The following TMEM266 variants were observed in gnomAD, a reference collection of about 807,000 sequenced individuals.
TMEM266 encodes transmembrane protein 266.
A neutral mutation model predicts 50.5 loss-of-function variants in TMEM266; 33 were observed. The observed-to-expected ratio is 0.65, with a 90% CI of 0.50 to 0.87. TMEM266 has a LOEUF of 0.87. Among genes scored for constraint, TMEM266 ranks in the 40% least tolerant of loss-of-function variants. TMEM266 has a pLI of 0.00. For synonymous variants in TMEM266, 310 were observed against 292.3 expected (o/e 1.06, Z -0.62); for missense variants, 655 against 695.1 (o/e 0.94, Z 0.65).
At chr15:76,124,373 T>C (rs1463731961) in intron 1 of TMEM266, among the ~76,000 whole-genome samples, 1 of 152,072 alleles carries the variant, frequency 6.6e-6, no homozygotes, top group Non-Finnish European at 1.5e-5. Flanking sequence ...CTAGAAAACA[T>C]TGTTGAAAGA....
Position 76,175,704 on chromosome 15 carries a change from G to A in TMEM266, c.768+30G>A, listed in dbSNP as rs777395226. ...TGCACTGCCACTTTCGGCTCTGTCC[G>A]TGGTCTTGCTGGGGACACTGGTAGT... On this transcript the variant is annotated intron_variant, in intron 8 of 10. Transcript: ENST00000388942. 1.9e-5 allele frequency: 30 copies of A among 1,575,200 alleles called. No individual in the cohort carries two copies. The Admixed American group carries it at 3.4e-4, about 18-fold the overall frequency.
At chr15:76,129,812 T>G (rs2935980) in intron 1 of TMEM266, among the ~76,000 whole-genome samples, 16,388 of 152,090 alleles carry the variant, frequency 0.11, 2,504 homozygotes, top group African/African-American at 0.34. Context: ...TAATGAGACC[T>G]AAGAGTCATA....
chr15:76,169,905 C>G (rs759224230), intron 6 of TMEM266, 33 bp downstream of exon 6: 8 of 1,599,542 alleles, frequency 5.0e-6, no homozygotes, highest in Non-Finnish European at 6.9e-6. Flanking sequence ...AAAGCCCCCA[C>G]TCTGCCATCC....
At chr15:76,186,369 G>A (rs986980591) in intron 8 of TMEM266, among the ~76,000 whole-genome samples, 3 of 152,182 alleles carry the variant, frequency 2.0e-5, no homozygotes, top group African/African-American at 4.8e-5. Flanking sequence ...TGAGGGTCCC[G>A]CTAGCACCTC....
chr15:76,092,739 G>A (rs2036865614), intron 1 of TMEM266, among the ~76,000 whole-genome samples: 1 of 148,600 alleles, frequency 6.7e-6, no homozygotes, highest in South Asian at 2.1e-4. Flanking sequence ...TCTATACTAT[G>A]TTCTAGTCAG....
intron 2 of TMEM266, 41 bp from the exon 3 acceptor site, chr15:76,137,666 T>G: frequency 1.3e-6 from 2 of 1,599,506 alleles, no homozygotes; most frequent in African/African-American, 2.7e-5. Context: ...TTTTGGCCCT[T>G]GAAGATAACT....
At chr15:76,175,315 A>G in intron 7 of TMEM266, 1 of 406,908 alleles carries the variant, frequency 2.5e-6, no homozygotes. Context: ...CTGTGCACAC[A>G]GCCCAAAAGT....
chr15:76,125,836 A>C (rs2037413399), intron 1 of TMEM266, among the ~76,000 whole-genome samples: 1 of 146,504 alleles, frequency 6.8e-6, no homozygotes, highest in Non-Finnish European at 1.5e-5. Context: ...TGACAGAATG[A>C]GACTCCATGT....
intron 5 of TMEM266, among the ~76,000 whole-genome samples, chr15:76,166,418 C>T (rs1007098282): frequency 2.0e-4 from 30 of 152,304 alleles, no homozygotes; most frequent in African/African-American, 6.7e-4. Context: ...GAAAGGCTCC[C>T]AGAAGAGTGG....
chr15:76,197,038 G>A (rs1437377865), intron 9 of TMEM266, among the ~76,000 whole-genome samples: 4 of 152,208 alleles, frequency 2.6e-5, no homozygotes, highest in Non-Finnish European at 4.4e-5. Context: ...CGTCCCCCAC[G>A]CTGCTGCAGC....
chr15:76,129,233 G>GA (rs2037467926), intron 1 of TMEM266, among the ~76,000 whole-genome samples: 1 of 152,146 alleles, frequency 6.6e-6, no homozygotes, highest in Non-Finnish European at 1.5e-5. Context: ...GTCTCCTACT[G>GA]AAGTTATGGC....
At chr15:76,201,761 C>A (rs2038752413) in intron 9 of TMEM266, among the ~76,000 whole-genome samples, 1 of 152,214 alleles carries the variant, frequency 6.6e-6, no homozygotes, top group African/African-American at 2.4e-5. Flanking sequence ...CTGGATGGCA[C>A]CTCAGCCCTG....
intron 1 of TMEM266, among the ~76,000 whole-genome samples, chr15:76,120,427 G>T (rs996675952): frequency 2.6e-5 from 4 of 151,960 alleles, no homozygotes; most frequent in African/African-American, 9.7e-5. Flanking sequence ...AATATATAAT[G>T]AACTATTTTT....
chr15:76,180,584 A>ACTCTC (rs1228202423), intron 8 of TMEM266, among the ~76,000 whole-genome samples: 35 of 114,820 alleles, frequency 3.0e-4, no homozygotes, highest in African/African-American at 1.2e-3. Context: ...CTGCACAGTT[A>ACTCTC]CTCTCTGTTT....
chr15:76,175,356 A>T, intron 7 of TMEM266: 1 of 539,850 alleles, frequency 1.9e-6, no homozygotes, highest in Non-Finnish European at 3.3e-6. Flanking sequence ...AAACAGGAAA[A>T]CAGCTACCCT....
At chr15:76,065,459 A>G (rs951045902) in intron 1 of TMEM266, among the ~76,000 whole-genome samples, 2 of 151,884 alleles carry the variant, frequency 1.3e-5, no homozygotes, top group Non-Finnish European at 2.9e-5. Context: ...GTCTGTCGGC[A>G]GCTCCTTCCT....
At chr15:76,075,982 G>A (rs770191300) in intron 1 of TMEM266, among the ~76,000 whole-genome samples, 2 of 147,644 alleles carry the variant, frequency 1.4e-5, no homozygotes, top group Non-Finnish European at 3.0e-5. Flanking sequence ...TCAACCCCCC[G>A]AGTAGCTGGG....
intron 1 of TMEM266, among the ~76,000 whole-genome samples, chr15:76,103,942 T>C (rs2037041976): frequency 1.4e-5 from 2 of 148,006 alleles, no homozygotes; most frequent in African/African-American, 2.5e-5. Flanking sequence ...GGGCAGTGGC[T>C]CAGGCCTGTA....
At chr15:76,157,439 T>G (rs1202063710) in intron 4 of TMEM266, among the ~76,000 whole-genome samples, 1 of 152,208 alleles carries the variant, frequency 6.6e-6, no homozygotes, top group Non-Finnish European at 1.5e-5. Context: ...GTTCTCTTCC[T>G]CTTGGCATTT....
Sources: allele counts gnomAD v4.1 joint callset (sites outside exome capture counted in the v4.1 genomes callset), GRCh38; gene constraint gnomAD v4.1.1; transcripts MANE v1.5; gene names NCBI Gene and HGNC (gene_info 2026-07-23, HGNC 2026-07-21).